Variants in CPNE4 observed in about 807,000 individuals in gnomAD.
The protein encoded by CPNE4 is copine-4.
A neutral mutation model predicts 67.9 loss-of-function variants in CPNE4; 25 were observed. That is an observed-to-expected ratio of 0.37 (90% confidence interval 0.27 to 0.51). The LOEUF (loss-of-function observed/expected upper bound fraction) is 0.51. Ranked by LOEUF, CPNE4 falls within the 20% of genes least tolerant of loss-of-function variation. The probability of loss-of-function intolerance (pLI) is 0.93; values close to 1 mark genes in which losing one functional copy is unlikely to be tolerated. For missense variants in CPNE4, 464 were observed against 690.8 expected (o/e 0.67, Z 3.68); for synonymous variants, 242 against 244.9 (o/e 0.99, Z 0.11).
At chr3:131,907,501 GAC>G (rs3041560) in intron 1 of CPNE4, among the ~76,000 whole-genome samples, 113,373 of 151,110 alleles carry the variant, frequency 0.75, 42,757 homozygotes, top group Admixed American at 0.82. Context: ...GCATCACACA[GAC>G]ACACACACAC....
At chr3:131,906,345 T>C (rs967911254) in intron 1 of CPNE4, among the ~76,000 whole-genome samples, 1 of 151,722 alleles carries the variant, frequency 6.6e-6, no homozygotes, top group Non-Finnish European at 1.5e-5. Context: ...GCCGCTGTGC[T>C]GCACCCATTA....
chr3:131,630,981 G>T (rs1048691132), intron 7 of CPNE4, among the ~76,000 whole-genome samples: 3 of 152,210 alleles, frequency 2.0e-5, no homozygotes, highest in African/African-American at 4.8e-5. Context: ...TTCGAGAGAA[G>T]TCTGAAGCCA....
At chr3:131,618,716 A>G (rs1381117230) in intron 7 of CPNE4, among the ~76,000 whole-genome samples, 1 of 152,216 alleles carries the variant, frequency 6.6e-6, no homozygotes, top group Non-Finnish European at 1.5e-5. Context: ...GGCATTTCAC[A>G]ATGCCTGGCA....
chr3:131,905,939 C>T (rs1455269950), intron 1 of CPNE4, among the ~76,000 whole-genome samples: 3 of 152,034 alleles, frequency 2.0e-5, no homozygotes, highest in African/African-American at 4.8e-5. Flanking sequence ...TAAAACTTTG[C>T]CCTCTTCTCA....
intron 1 of CPNE4, among the ~76,000 whole-genome samples, chr3:131,966,667 A>C (rs2072358094): frequency 6.6e-6 from 1 of 152,192 alleles, no homozygotes. Context: ...CCAAGACTAA[A>C]CCAGGAAGAA....
intron 7 of CPNE4, among the ~76,000 whole-genome samples, chr3:131,632,793 T>C (rs6779453): frequency 0.27 from 41,581 of 151,916 alleles, 9,387 homozygotes; most frequent in African/African-American, 0.62. Flanking sequence ...TCAGTCTTGG[T>C]ACTGTTAACA....
intron 2 of CPNE4, among the ~76,000 whole-genome samples, chr3:131,804,694 C>T (rs534222716): frequency 2.0e-5 from 3 of 152,266 alleles, no homozygotes; most frequent in African/African-American, 4.8e-5. Context: ...GAAGTGGCAG[C>T]GTGCCTGTTC....
chr3:131,806,040 C>T (rs969151915), intron 2 of CPNE4, among the ~76,000 whole-genome samples: 1 of 152,068 alleles, frequency 6.6e-6, no homozygotes, highest in African/African-American at 2.4e-5. Context: ...CAGCTAGAAC[C>T]ATGCTAGTGA....
At chr3:131,804,870 G>A (rs2084255706) in intron 2 of CPNE4, among the ~76,000 whole-genome samples, 1 of 152,216 alleles carries the variant, frequency 6.6e-6, no homozygotes, top group African/African-American at 2.4e-5. Context: ...GTTGGGCACA[G>A]ACACATGAGA....
chr3:131,888,403 T>TAA (rs35504853), intron 2 of CPNE4, among the ~76,000 whole-genome samples: 31,817 of 147,928 alleles, frequency 0.22, 3,782 homozygotes, highest in Non-Finnish European at 0.27. Context: ...GTCTTTGGGT[T>TAA]AAAAAAAAAA....
intron 1 of CPNE4, among the ~76,000 whole-genome samples, chr3:132,014,417 G>A (rs1012652790): frequency 3.9e-5 from 6 of 152,036 alleles, no homozygotes; most frequent in Admixed American, 6.6e-5. Context: ...CCTAGTGACC[G>A]AGGTAAGGGC....
In CPNE4 at chr3:131,942,320, AAATGT is replaced by A. The variant is rs998074923; in HGVS notation, c.-1-36881_-1-36877del. Reference sequence around the variant, plus strand: ...AAGAGCACAAAGTGACCATTGTGAAAAATGTAGTAAGCTTTAAGAATCAAAGCTAA... The same window carrying A: ...AAGAGCACAAAGTGACCATTGTGAAAAGTAAGCTTTAAGAATCAAAGCTAA... On this transcript the variant is annotated intron_variant, in intron 1 of 15. Transcript: ENST00000429747. 3.7e-4 allele frequency among the ~76,000 whole-genome samples: 57 copies of A among 152,096 alleles called. 1 individual carries two copies. The highest frequency in any genetic ancestry group is 1.4e-3 in the African/African-American group (57 of 41,520).
In CPNE4 at chr3:131,848,959, A is replaced by AAAAAAAAAAAC; in HGVS notation, c.180+56304_180+56305insGTTTTTTTTTT. 1.5e-4 allele frequency among the ~76,000 whole-genome samples: 8 copies of AAAAAAAAAAAC among 54,068 alleles called. 1 individual carries two copies. The highest frequency in any genetic ancestry group is 3.1e-4 in the African/African-American group (8 of 25,820). The allele number at this position is 54,068 out of a possible 152,430, so 35.5% of individuals were successfully genotyped here. A position where few individuals can be genotyped will look rare whatever the true frequency, so the allele number is the denominator to read the frequency against. ...GGTGGAATGACAGTAGTGATTACAA[A>AAAAAAAAAAAC]AAAAAAAAAAAAAAAAAAAAAAACA... On this transcript the variant is annotated intron_variant, in intron 2 of 15. Transcript: ENST00000429747.
chr3:131,606,399 A>C (rs1939506041), intron 7 of CPNE4, among the ~76,000 whole-genome samples: 1 of 152,194 alleles, frequency 6.6e-6, no homozygotes, highest in Non-Finnish European at 1.5e-5. Context: ...AATGATCCAC[A>C]CAAAATAGTT....
intron 11 of CPNE4, among the ~76,000 whole-genome samples, chr3:131,560,310 C>G (rs1337933872): frequency 6.6e-6 from 1 of 152,036 alleles, no homozygotes; most frequent in Non-Finnish European, 1.5e-5. Flanking sequence ...GGGGTTTGAG[C>G]CCGGGTCTAA....
At chr3:131,731,452 A>G (rs2082125235) in intron 2 of CPNE4, among the ~76,000 whole-genome samples, 1 of 152,188 alleles carries the variant, frequency 6.6e-6, no homozygotes, top group African/African-American at 2.4e-5. Flanking sequence ...ACAGAGCATG[A>G]GCAAATCCTG....
chr3:131,740,331 A>C (rs1360804349), intron 2 of CPNE4, among the ~76,000 whole-genome samples: 1 of 152,192 alleles, frequency 6.6e-6, no homozygotes, highest in Non-Finnish European at 1.5e-5. Context: ...TCATAGTTTT[A>C]AATAAAATAT....
intron 2 of CPNE4, among the ~76,000 whole-genome samples, chr3:131,766,945 C>T (rs1284545191): frequency 1.3e-5 from 2 of 151,916 alleles, no homozygotes; most frequent in African/African-American, 2.4e-5. Flanking sequence ...AGATAAATGG[C>T]AAATAACATG....
intron 2 of CPNE4, among the ~76,000 whole-genome samples, chr3:131,824,418 A>T (rs1198713120): frequency 6.6e-6 from 1 of 152,220 alleles, no homozygotes; most frequent in African/African-American, 2.4e-5. Flanking sequence ...TCAAGACGGA[A>T]TTTTTTATGG....
Sources: gnomAD v4.1 joint callset for allele counts (sites outside exome capture counted in the v4.1 genomes callset) on GRCh38, gnomAD v4.1.1 for gene constraint, MANE v1.5 for transcripts, NCBI Gene and HGNC (gene_info 2026-07-23, HGNC 2026-07-21) for gene names.